TDRD7: variants seen among roughly 807,000 people sequenced by gnomAD.
The protein encoded by TDRD7 is tudor domain containing 7.
In TDRD7, 47 loss-of-function variants were observed where a neutral mutation model predicts 109.8. That is an observed-to-expected ratio of 0.43 (90% CI 0.34 to 0.55). The LOEUF is 0.55. TDRD7 is among the 20% of genes least tolerant of loss of function. TDRD7 has a pLI of 0.03. For missense variants in TDRD7, 1,164 were observed against 1,319.2 expected (o/e 0.88, Z 1.82); for synonymous variants, 424 against 457.3 (o/e 0.93, Z 0.93).
In TDRD7 at chr9:97,464,853, A is replaced by C. The variant is rs761278796; in HGVS notation, c.1454A>C (p.Lys485Thr). Residue 485 changes from lysine (K) to threonine (T), a missense_variant, in exon 8 of 17, where the codon AAA becomes ACA. Lys to Thr is a moderately conservative substitution (Grantham distance 78). Coordinates refer to ENST00000355295, the MANE Select transcript of TDRD7 (RefSeq NM_014290.3). Reference sequence around the variant, plus strand: ...TTTAACTGATTCAGGTATGTGGGCAAAGACTATTCTGCTGCTCAGGAATTA... The same window carrying C: ...TTTAACTGATTCAGGTATGTGGGCACAGACTATTCTGCTGCTCAGGAATTA... ...TNEVVIRYVG[K>T]DYSAAQELME... is the part of the protein sequence containing the mutation. 8 of 1,614,170 alleles carry C rather than the reference A, an allele frequency of 5.0e-6. No homozygotes were observed. In the South Asian group the frequency reaches 8.8e-5, roughly 18 times the overall value.
intron 6 of TDRD7, among the ~76,000 whole-genome samples, chr9:97,451,034 G>A (rs947986210): frequency 3.9e-5 from 6 of 152,058 alleles, no homozygotes; most frequent in African/African-American, 1.4e-4. Flanking sequence ...CAACCTCTGG[G>A]GAAGGTAGAG....
chr9:97,415,230 A>G (rs770596896), intron 1 of TDRD7, among the ~76,000 whole-genome samples: 1 of 152,262 alleles, frequency 6.6e-6, no homozygotes, highest in Non-Finnish European at 1.5e-5. Flanking sequence ...GAGCCAAATC[A>G]TACAGTTGGA....
At chr9:97,478,067 G>C (rs886646158) in intron 12 of TDRD7, among the ~76,000 whole-genome samples, 2 of 152,066 alleles carry the variant, frequency 1.3e-5, no homozygotes, top group African/African-American at 2.4e-5. Flanking sequence ...AGACCAGCCT[G>C]GCCAACATGG....
In TDRD7 at chr9:97,437,740, T is replaced by G. The variant is rs529860141; in HGVS notation, c.564-1505T>G. ...TCTGGCACATAGTATGTCTTAAATA[T>G]TTATGAGCTATAAATATGTCTCTAA... On this transcript the variant is annotated intron_variant, in intron 4 of 16. Transcript: ENST00000355295. Among the ~76,000 whole-genome samples the G allele has an allele frequency of 8.5e-5, 13 of 152,322 alleles. No individual in the cohort carries two copies. The South Asian group carries it at 2.7e-3, about 32-fold the overall frequency.
intron 11 of TDRD7, 139 bp from the exon 12 acceptor site, chr9:97,475,244 T>A: frequency 1.4e-6 from 1 of 722,708 alleles, no homozygotes; most frequent in Non-Finnish European, 2.5e-6. Context: ...TAACCCTGTG[T>A]GTTTGCTGCA....
chr9:97,473,277 C>A (rs2131165374), intron 10 of TDRD7, among the ~76,000 whole-genome samples: 1 of 152,274 alleles, frequency 6.6e-6, no homozygotes, highest in Non-Finnish European at 1.5e-5. Flanking sequence ...TTGTGCTTGG[C>A]ATAAATGATA....
intron 9 of TDRD7, among the ~76,000 whole-genome samples, chr9:97,471,041 A>G (rs1828901903): frequency 6.6e-6 from 1 of 152,064 alleles, no homozygotes; most frequent in South Asian, 2.1e-4. Context: ...ACTGAGATGT[A>G]CTGTGGTGAT....
intron 1 of TDRD7, among the ~76,000 whole-genome samples, chr9:97,418,049 T>C (rs903797232): frequency 6.6e-6 from 1 of 152,000 alleles, no homozygotes; most frequent in African/African-American, 2.4e-5. Context: ...TGCTTCAACC[T>C]AGGAGGCAGA....
intron 1 of TDRD7, among the ~76,000 whole-genome samples, chr9:97,416,907 G>A (rs1306109335): frequency 6.6e-6 from 1 of 152,086 alleles, no homozygotes; most frequent in African/African-American, 2.4e-5. Flanking sequence ...CATGGAGCTT[G>A]CATTGAAGTT....
Position 97,495,733 on chromosome 9 carries a change from G to A in TDRD7, c.3147G>A (p.Leu1049=), listed in dbSNP as rs1286356883. 16 of 1,614,058 alleles carry A rather than the reference G, an allele frequency of 9.9e-6. No individual in the cohort carries two copies. Among genetic ancestry groups the A allele is most frequent in the Non-Finnish European group, 1.3e-5 (15 of 1,180,038 alleles). Residue 1049 remains leucine, a synonymous_variant, in exon 17 of 17, where the codon CTG becomes CTA. Coordinates refer to ENST00000355295, the MANE Select transcript of TDRD7 (RefSeq NM_014290.3). ...GAAATCATGTGGAGAAGAAACCTCT[G>A]GTGGCACTGGTGCAGACAGTCATTG... is the stretch of plus-strand genomic sequence containing the variant. ...VFRNHVEKKP[L]VALVQTVIEN...
In TDRD7 at chr9:97,475,115, A is replaced by G. The variant is rs78653611; in HGVS notation, c.2080-268A>G. Among the ~76,000 whole-genome samples, 1,606 of 152,302 alleles carry G rather than the reference A, an allele frequency of 0.011. 49 individuals carry two copies. In the East Asian group the frequency reaches 0.11, roughly 10 times the overall value. On this transcript the variant is annotated intron_variant, in intron 11 of 16. Coordinates refer to ENST00000355295, the MANE Select transcript of TDRD7 (RefSeq NM_014290.3). Reference sequence around the variant, plus strand: ...TGGAGCCAGTGCCTAAGTGAATCATAATGATCTTATGCTAATGTTTTTAGA... The same window carrying G: ...TGGAGCCAGTGCCTAAGTGAATCATGATGATCTTATGCTAATGTTTTTAGA...
rs1375148683 is a variant in TDRD7 at position 97,460,463 on chromosome 9, C to T, written c.1141C>T (p.Leu381Phe). 4.3e-6 allele frequency: 7 copies of T among 1,614,204 alleles called. No homozygotes were observed. Among genetic ancestry groups the T allele is most frequent in the Non-Finnish European group, 5.9e-6 (7 of 1,180,036 alleles). The change falls in exon 7 of 17, where the codon CTT becomes TTT. Residue 381 changes from leucine to phenylalanine, a missense_variant. By Grantham distance (22) the Leu-to-Phe change is conservative (BLOSUM62 0). Coordinates refer to ENST00000355295, the MANE Select transcript of TDRD7 (RefSeq NM_014290.3). ...ATTCCCTGAGGATGCCTTAAAAAAT[C>T]TTGCCTCACTTTCTGATGTATGCAG... ...VKFPEDALKN[L>F]ASLSDVCSID...
intron 8 of TDRD7, among the ~76,000 whole-genome samples, 154 bp downstream of exon 8, chr9:97,465,182 G>T (rs1828801341): frequency 6.6e-6 from 1 of 152,104 alleles, no homozygotes; most frequent in Non-Finnish European, 1.5e-5. Context: ...TCTGTAAAAG[G>T]TTATCCCTGT....
intron 3 of TDRD7, 75 bp downstream of exon 3, chr9:97,431,149 G>T (rs985386343): frequency 6.3e-7 from 1 of 1,586,086 alleles, no homozygotes; most frequent in African/African-American, 1.3e-5. Flanking sequence ...TGGAAATATT[G>T]TTTGTATTAT....
Position 97,473,616 on chromosome 9 carries a change from TC to T in TDRD7, c.2071del (p.His691IlefsTer5), listed in dbSNP as rs1465418926. Reference sequence around the variant, plus strand: ...CTTCTACGTAAGATAGAGGACTACTTCCATTGCAAGGTATAGCAGAACCTCT... The same window carrying T: ...CTTCTACGTAAGATAGAGGACTACTTCATTGCAAGGTATAGCAGAACCTCT... The part of the protein sequence containing the change: ...SDLLRKIEDY[F>X]HCKHMTSECF... On this transcript the variant is annotated frameshift_variant, in exon 11 of 17. Coordinates refer to ENST00000355295, the MANE Select transcript of TDRD7 (RefSeq NM_014290.3). LOFTEE classifies it high-confidence loss of function. 1 of 1,613,586 alleles carries T rather than the reference TC, an allele frequency of 6.2e-7. No individual in the cohort carries two copies. Among genetic ancestry groups the T allele is most frequent in the East Asian group, 2.2e-5 (1 of 44,884 alleles).
At chr9:97,478,692 C>A in intron 13 of TDRD7, 119 bp downstream of exon 13, 2 of 1,442,116 alleles carry the variant, frequency 1.4e-6, no homozygotes, top group Non-Finnish European at 1.9e-6. Context: ...GGAAATTGTC[C>A]AAATGTGGTT....
At chr9:97,477,441 A>G (rs1450241505) in intron 12 of TDRD7, among the ~76,000 whole-genome samples, 1 of 152,202 alleles carries the variant, frequency 6.6e-6, no homozygotes, top group East Asian at 1.9e-4. Flanking sequence ...GAATAGCATT[A>G]TGTTGTAAAG....
chr9:97,477,332 A>G (rs1194072452), intron 12 of TDRD7, among the ~76,000 whole-genome samples: 2 of 152,300 alleles, frequency 1.3e-5, no homozygotes, highest in East Asian at 3.9e-4. Context: ...GCTCCAGCAT[A>G]CAATCTGGAT....
chr9:97,463,710 G>A (rs1263375411), intron 7 of TDRD7, among the ~76,000 whole-genome samples: 1 of 152,166 alleles, frequency 6.6e-6, no homozygotes, highest in Non-Finnish European at 1.5e-5. Flanking sequence ...GACCCTGGAC[G>A]AAATCATCTC....
Sources: allele counts gnomAD v4.1 joint callset (sites outside exome capture counted in the v4.1 genomes callset), GRCh38; gene constraint gnomAD v4.1.1; transcripts MANE v1.5; gene names NCBI Gene and HGNC (gene_info 2026-07-23, HGNC 2026-07-21).